The following SEMA3A variants were observed in gnomAD, a reference collection of about 807,000 sequenced individuals.
The protein encoded by SEMA3A is semaphorin-3A.
Under a neutral mutation model 97.9 loss-of-function variants are expected in SEMA3A, and 29 were observed. That is an observed-to-expected ratio of 0.30 (90% CI 0.22 to 0.40). SEMA3A has a LOEUF of 0.40. Ranked by LOEUF, SEMA3A falls within the 10% of genes least tolerant of loss-of-function variation. The pLI is 1.00. For missense variants in SEMA3A, 763 were observed against 951.3 expected, an observed-to-expected ratio of 0.80 and a Z score of 2.60; for synonymous variants, 321 against 323.7, an observed-to-expected ratio of 0.99 and a Z score of 0.09.
At chr7:84,304,470 A>T (rs1489778491) in intron 3 of SEMA3A, among the ~76,000 whole-genome samples, 10 of 152,130 alleles carry the variant, frequency 6.6e-5, no homozygotes, top group Non-Finnish European at 4.4e-5. Flanking sequence ...TTACTCAATC[A>T]TTAAAAAAGT....
intron 1 of SEMA3A, among the ~76,000 whole-genome samples, chr7:84,473,776 G>A (rs1243457573): frequency 6.6e-6 from 1 of 152,082 alleles, no homozygotes; most frequent in Non-Finnish European, 1.5e-5. Flanking sequence ...TTTAAATAAT[G>A]ACTAGGAGCC....
intron 7 of SEMA3A, among the ~76,000 whole-genome samples, chr7:84,012,097 G>C (rs1306717164): frequency 6.6e-6 from 1 of 151,784 alleles, no homozygotes; most frequent in East Asian, 1.9e-4. Context: ...GGGATGAAGA[G>C]ATTTGGTCCA....
At chr7:84,269,686 C>T (rs1800094956) in intron 3 of SEMA3A, among the ~76,000 whole-genome samples, 1 of 152,024 alleles carries the variant, frequency 6.6e-6, no homozygotes, top group African/African-American at 2.4e-5. Context: ...TATTATTATA[C>T]TGTATTGTTA....
intron 12 of SEMA3A, 28 bp downstream of exon 12, chr7:84,001,927 T>C (rs747088746): frequency 2.0e-5 from 31 of 1,515,738 alleles, no homozygotes; most frequent in African/African-American, 1.8e-4. Context: ...ACTGAACTTG[T>C]TGACACTTGA....
intron 7 of SEMA3A, among the ~76,000 whole-genome samples, chr7:84,012,598 G>T (rs1351585186): frequency 6.6e-6 from 1 of 152,132 alleles, no homozygotes; most frequent in Non-Finnish European, 1.5e-5. Flanking sequence ...AAGCACGCTA[G>T]CATCAAATAT....
chr7:84,379,521 G>C (rs1424925412), intron 1 of SEMA3A, among the ~76,000 whole-genome samples: 3 of 152,080 alleles, frequency 2.0e-5, no homozygotes, highest in Non-Finnish European at 4.4e-5. Flanking sequence ...GAGAGACTCT[G>C]TTTAACAGGC....
intron 2 of SEMA3A, among the ~76,000 whole-genome samples, chr7:84,352,205 T>C (rs762513711): frequency 2.0e-5 from 3 of 151,636 alleles, no homozygotes; most frequent in Non-Finnish European, 4.4e-5. Context: ...AGTTAAAGAG[T>C]TGATTGACAG....
intron 2 of SEMA3A, among the ~76,000 whole-genome samples, chr7:84,318,492 T>C (rs547669943): frequency 9.3e-4 from 141 of 151,646 alleles, no homozygotes; most frequent in African/African-American, 3.4e-3. Context: ...CCGGCTAATT[T>C]TTTGTATTTT....
At chr7:84,341,907 C>A (rs193112583) in intron 2 of SEMA3A, among the ~76,000 whole-genome samples, 2 of 152,114 alleles carry the variant, frequency 1.3e-5, no homozygotes, top group Non-Finnish European at 2.9e-5. Context: ...ATGCCCCTCA[C>A]GCTTTAGAAT....
At chr7:83,996,548 A>T (rs1790228034) in intron 12 of SEMA3A, among the ~76,000 whole-genome samples, 1 of 152,000 alleles carries the variant, frequency 6.6e-6, no homozygotes, top group Non-Finnish European at 1.5e-5. Flanking sequence ...TGATCCACCT[A>T]CCTGGGCCTC....
intron 3 of SEMA3A, among the ~76,000 whole-genome samples, chr7:84,295,586 C>T (rs1357621491): frequency 6.6e-6 from 1 of 151,842 alleles, no homozygotes; most frequent in East Asian, 1.9e-4. Context: ...TTCTTTCGTC[C>T]TTATACTTAA....
chr7:84,281,787 G>C (rs1197998968), intron 3 of SEMA3A, among the ~76,000 whole-genome samples: 1 of 152,038 alleles, frequency 6.6e-6, no homozygotes, highest in Admixed American at 6.6e-5. Flanking sequence ...CTATAAAATG[G>C]GGGAAAATGT....
intron 3 of SEMA3A, among the ~76,000 whole-genome samples, chr7:84,278,057 T>C (rs975868219): frequency 3.3e-5 from 5 of 152,252 alleles, no homozygotes; most frequent in African/African-American, 1.2e-4. Context: ...CTCCTGCATA[T>C]GAGTATTGGT....
At chr7:84,447,614 G>A (rs1371084793) in intron 1 of SEMA3A, among the ~76,000 whole-genome samples, 1 of 152,124 alleles carries the variant, frequency 6.6e-6, no homozygotes, top group Non-Finnish European at 1.5e-5. Context: ...TGACCTGCCT[G>A]TGGAAAGGAG....
chr7:84,045,072 C>T (rs537583431), intron 6 of SEMA3A, among the ~76,000 whole-genome samples: 6 of 152,000 alleles, frequency 3.9e-5, no homozygotes, highest in African/African-American at 1.4e-4. Flanking sequence ...TCGATCAGAA[C>T]AAAGGTTGTC....
At chr7:84,039,391 C>T (rs1792052406) in intron 6 of SEMA3A, among the ~76,000 whole-genome samples, 2 of 152,008 alleles carry the variant, frequency 1.3e-5, no homozygotes, top group South Asian at 2.1e-4. Context: ...TTTCATATAT[C>T]GTAGGGTAAG....
intron 3 of SEMA3A, among the ~76,000 whole-genome samples, chr7:84,206,624 C>T (rs1798501936): frequency 6.6e-6 from 1 of 151,908 alleles, no homozygotes; most frequent in African/African-American, 2.4e-5. Flanking sequence ...GTCCGGCCTT[C>T]CAAGATGGCA....
chr7:84,430,914 T>C (rs1048162124), intron 1 of SEMA3A, among the ~76,000 whole-genome samples: 2 of 151,944 alleles, frequency 1.3e-5, no homozygotes, highest in African/African-American at 4.8e-5. Context: ...CAGTAGCACA[T>C]ATTTTATTTT....
At chr7:84,104,907 A>G (rs747916854) in intron 4 of SEMA3A, among the ~76,000 whole-genome samples, 12 of 152,206 alleles carry the variant, frequency 7.9e-5, no homozygotes, top group Non-Finnish European at 1.6e-4. Flanking sequence ...GTACAAGTCT[A>G]TCTTCCAACA....
Sources: allele counts gnomAD v4.1 joint callset (sites outside exome capture counted in the v4.1 genomes callset), GRCh38; gene constraint gnomAD v4.1.1; transcripts MANE v1.5; gene names NCBI Gene and HGNC (gene_info 2026-07-23, HGNC 2026-07-21).